SAP130: variants seen among roughly 807,000 people sequenced by gnomAD.
SAP130 encodes the protein Sin3A associated protein 130.
A neutral mutation model predicts 103.2 loss-of-function variants in SAP130; 16 were observed. The observed-to-expected ratio is 0.16, with a 90% CI of 0.10 to 0.24. The LOEUF (loss-of-function observed/expected upper bound fraction) is 0.24. Among genes scored for constraint, SAP130 ranks in the 10% least tolerant of loss-of-function variants. The pLI is 1.00. For missense variants in SAP130, 990 were observed against 1,359.7 expected, an observed-to-expected ratio of 0.73 and a Z score of 4.28; for synonymous variants, 477 against 497.0, an observed-to-expected ratio of 0.96 and a Z score of 0.53.
chr2:127,976,613 A>G (rs905759349), intron 15 of SAP130, among the ~76,000 whole-genome samples: 1 of 152,234 alleles, frequency 6.6e-6, no homozygotes, highest in Non-Finnish European at 1.5e-5. Context: ...GATCTCTTTT[A>G]AGAATCTATC....
chr2:127,985,600 C>T (rs1423788911), intron 14 of SAP130, among the ~76,000 whole-genome samples: 1 of 152,090 alleles, frequency 6.6e-6, no homozygotes, highest in Non-Finnish European at 1.5e-5. Context: ...ACCCTTACTA[C>T]ACTTCAGAAT....
intron 14 of SAP130, among the ~76,000 whole-genome samples, chr2:127,979,057 T>C (rs568302896): frequency 3.5e-4 from 54 of 152,192 alleles, no homozygotes; most frequent in Non-Finnish European, 7.3e-4. Context: ...GATAAGAGAT[T>C]CTTAATTACA....
chr2:128,009,516 C>A (rs1482863332), intron 7 of SAP130, among the ~76,000 whole-genome samples: 4 of 152,094 alleles, frequency 2.6e-5, no homozygotes, highest in Non-Finnish European at 5.9e-5. Flanking sequence ...TGTCTTTCTA[C>A]ATCCATTTTC....
intron 15 of SAP130, among the ~76,000 whole-genome samples, chr2:127,957,016 G>A (rs1447247754): frequency 6.6e-6 from 1 of 152,222 alleles, no homozygotes; most frequent in Non-Finnish European, 1.5e-5. Flanking sequence ...TGAAAATATT[G>A]AGTTGGGCAC....
chr2:127,973,419 A>AG (rs1681230997), intron 15 of SAP130, among the ~76,000 whole-genome samples: 1 of 152,120 alleles, frequency 6.6e-6, no homozygotes, highest in South Asian at 2.1e-4. Flanking sequence ...TTTAGTAGAG[A>AG]GGGGGTTTCT....
intron 10 of SAP130, among the ~76,000 whole-genome samples, chr2:127,998,220 C>A (rs4662764): frequency 6.6e-6 from 1 of 151,988 alleles, no homozygotes; most frequent in Admixed American, 6.5e-5. Flanking sequence ...AAAACTTATC[C>A]CTATTTTCTG....
rs1679867872 is a variant in SAP130, at chr2:127,956,706, A to T, written c.2064-1362T>A. Among the ~76,000 whole-genome samples the T allele has an allele frequency of 2.1e-5, 3 of 145,862 alleles. No individual in the cohort carries two copies. In the South Asian group the frequency reaches 6.4e-4, roughly 31 times the overall value. ...ACCCTAGAACTTAAAGTATAATAAA[A>T]AAAAAAAAAAAAAAAAAGAAAGTTG... On this transcript the variant is annotated intron_variant, in intron 15 of 20. Transcript: ENST00000643581.
At chr2:128,008,920 G>A (rs555312256) in intron 7 of SAP130, among the ~76,000 whole-genome samples, 11 of 151,810 alleles carry the variant, frequency 7.2e-5, no homozygotes, top group African/African-American at 1.7e-4. Context: ...CCTGGACTCC[G>A]GTGATCCTCC....
chr2:127,962,438 T>C (rs180998908), intron 15 of SAP130, among the ~76,000 whole-genome samples: 2 of 152,352 alleles, frequency 1.3e-5, no homozygotes, highest in East Asian at 1.9e-4. Flanking sequence ...CGTATGTTTA[T>C]AGCGGCACTA....
intron 4 of SAP130, among the ~76,000 whole-genome samples, chr2:128,015,351 C>A (rs567064990): frequency 3.5e-4 from 53 of 152,268 alleles, no homozygotes; most frequent in African/African-American, 9.9e-4. Context: ...GTGCTCCCTA[C>A]CAGTTCTTCA....
chr2:128,001,351 C>CA (rs1268334652), intron 7 of SAP130, among the ~76,000 whole-genome samples: 3 of 152,220 alleles, frequency 2.0e-5, no homozygotes, highest in African/African-American at 7.2e-5. Flanking sequence ...GCCTGGGCGA[C>CA]AGAGTGAGAC....
chr2:127,959,341 C>T (rs1175522341), intron 15 of SAP130, among the ~76,000 whole-genome samples: 5 of 152,170 alleles, frequency 3.3e-5, no homozygotes, highest in Non-Finnish European at 7.3e-5. Flanking sequence ...CTTGGCATGA[C>T]GAAAATCCTG....
At chr2:127,961,802 G>GTGTA (rs1680274977) in intron 15 of SAP130, among the ~76,000 whole-genome samples, 1 of 151,400 alleles carries the variant, frequency 6.6e-6, no homozygotes, top group Non-Finnish European at 1.5e-5. Context: ...TTGCTTCCTT[G>GTGTA]GTTCTCTACA....
chr2:127,982,322 GA>G (rs1312015126), intron 14 of SAP130, among the ~76,000 whole-genome samples: 1 of 152,124 alleles, frequency 6.6e-6, no homozygotes, highest in African/African-American at 2.4e-5. Context: ...AGGGGGAGAA[GA>G]ACTAGAGCAT....
chr2:127,993,349 T>A, intron 11 of SAP130, 41 bp from the exon 12 acceptor site: 1 of 1,564,272 alleles, frequency 6.4e-7, no homozygotes, highest in Non-Finnish European at 8.6e-7. Context: ...ATAGTCATTT[T>A]CTTCTTTACT....
At chr2:128,016,113 G>A (rs572377241) in intron 4 of SAP130, among the ~76,000 whole-genome samples, 20 of 151,760 alleles carry the variant, frequency 1.3e-4, no homozygotes, top group African/African-American at 4.1e-4. Flanking sequence ...TCAAGGACAC[G>A]GACTGTTTTA....
chr2:127,988,624 T>C (rs916139863), intron 13 of SAP130, among the ~76,000 whole-genome samples: 9 of 150,570 alleles, frequency 6.0e-5, no homozygotes, highest in African/African-American at 1.5e-4. Context: ...CCAAAGTGAG[T>C]AGACTACTTG....
At chr2:127,962,315 A>C (rs1221127400) in intron 15 of SAP130, among the ~76,000 whole-genome samples, 1 of 152,210 alleles carries the variant, frequency 6.6e-6, no homozygotes, top group East Asian at 1.9e-4. Flanking sequence ...TGACCTGTGA[A>C]CTACTTGTTC....
rs1243629211 is a variant in SAP130, at chr2:127,989,063, T to C, written c.1780+501A>G. ...TTAAAAAAGATAACACTTCTCATTA[T>C]GTTCAAATGAATACTAGGGCTGTTG... On this transcript the variant is annotated intron_variant, in intron 13 of 20. Transcript: ENST00000643581. This position sits in a 1 kb window ranked among gnomAD's most constrained non-coding sequence, Gnocchi z 4.6. 3.9e-5 allele frequency among the ~76,000 whole-genome samples: 6 copies of C among 152,090 alleles called. No individual in the cohort carries two copies. Among genetic ancestry groups the C allele is most frequent in the African/African-American group, 1.2e-4 (5 of 41,410 alleles).
Sources: gnomAD v4.1 joint callset for allele counts (sites outside exome capture counted in the v4.1 genomes callset) on GRCh38, gnomAD v4.1.1 for gene constraint, Gnocchi (gnomAD v3.1) non-coding constraint, MANE v1.5 for transcripts, NCBI Gene and HGNC (gene_info 2026-07-23, HGNC 2026-07-21) for gene names.